The following SMARCA1 variants were observed in gnomAD, a reference collection of about 807,000 sequenced individuals.
SMARCA1 encodes the protein SNF2 related chromatin remodeling ATPase 1.
A neutral mutation model predicts 93.6 loss-of-function variants in SMARCA1; 17 were observed. That is an observed-to-expected ratio of 0.18 (90% CI 0.12 to 0.27). The LOEUF (loss-of-function observed/expected upper bound fraction) is 0.27. SMARCA1 is among the 10% of genes least tolerant of loss of function. The pLI is 1.00. For synonymous variants in SMARCA1, 271 were observed against 271.4 expected (o/e 1.00, Z 0.01); for missense variants, 630 against 819.0 (o/e 0.77, Z 2.82).
intron 23 of SMARCA1, among the ~76,000 whole-genome samples, chrX:129,459,916 G>A (rs757043868): frequency 1.8e-5 from 2 of 111,776 alleles, no homozygotes; most frequent in South Asian, 3.8e-4. Context: ...TTGGGAGGCC[G>A]AGGCAGGAGG....
At chrX:129,455,856 T>C (rs1393427661) in intron 23 of SMARCA1, among the ~76,000 whole-genome samples, 1 of 112,247 alleles carries the variant, frequency 8.9e-6, no homozygotes, top group East Asian at 2.8e-4. Flanking sequence ...AGAAAGATGC[T>C]GTTTCCATAA....
intron 1 of SMARCA1, among the ~76,000 whole-genome samples, chrX:129,522,882 C>G (rs1400602870): frequency 1.8e-5 from 2 of 111,294 alleles, no homozygotes; most frequent in East Asian, 5.8e-4. Context: ...CCCCGTTACC[C>G]GAGTTCCGGG....
At chrX:129,503,554 T>C (rs892147189) in intron 9 of SMARCA1, among the ~76,000 whole-genome samples, 4 of 111,076 alleles carry the variant, frequency 3.6e-5, no homozygotes, top group African/African-American at 1.3e-4. Context: ...AGCTGATAGA[T>C]GGGGAGAAAA....
In SMARCA1 at chrX:129,522,334, CTG is replaced by C. The variant is rs112634136; in HGVS notation, c.174+861_174+862del. ...ATTAAAGGAGAAAAAAAAAAAAAAC[CTG>C]TGTGTGTCCAGGAGCCAGCAGCGCC... is the stretch of plus-strand genomic sequence containing the variant. On this transcript the variant is annotated intron_variant, in intron 1 of 24. Transcript: ENST00000371121. Among the ~76,000 whole-genome samples the C allele has an allele frequency of 8.5e-3, 930 of 109,767 alleles. 6 individuals are homozygous for C. Among genetic ancestry groups the C allele is most frequent in the African/African-American group, 0.029 (883 of 30,205 alleles).
intron 19 of SMARCA1, among the ~76,000 whole-genome samples, chrX:129,473,286 A>G (rs770741855): frequency 7.3e-4 from 82 of 111,681 alleles, no homozygotes; most frequent in African/African-American, 2.6e-3. Flanking sequence ...TACTATCATA[A>G]TCTAGAAATG....
chrX:129,521,989 T>C (rs1368200718), intron 1 of SMARCA1, among the ~76,000 whole-genome samples: 1 of 112,153 alleles, frequency 8.9e-6, no homozygotes, highest in Non-Finnish European at 1.9e-5. Flanking sequence ...TATCATATAA[T>C]GATTCAGACA....
In SMARCA1 at chrX:129,512,002, G is replaced by A. The variant is rs1279295773; in HGVS notation, c.631-19C>T. ...CAAGGCCCTGCATTATCATCACAAG[G>A]AAAAAAATCCATGAACATTTTTTCT... On this transcript the variant is annotated intron_variant, in intron 5 of 24. Coordinates refer to ENST00000371121, the MANE Select transcript of SMARCA1 (RefSeq NM_001282874.2). 1 of 1,126,383 alleles carries A rather than the reference G, an allele frequency of 8.9e-7. No individual in the cohort carries two copies. Among genetic ancestry groups the A allele is most frequent in the Non-Finnish European group, 1.2e-6 (1 of 844,722 alleles). The allele number at this position is 1,126,383 out of a possible 1,213,427, so 92.8% of individuals were successfully genotyped here.
chrX:129,506,689 C>CA (rs1484081895), intron 7 of SMARCA1, among the ~76,000 whole-genome samples: 1,769 of 46,172 alleles, frequency 0.038, 68 homozygotes, highest in African/African-American at 0.044. Context: ...AACTCCGTCT[C>CA]AAAAAAAAAA....
intron 21 of SMARCA1, among the ~76,000 whole-genome samples, chrX:129,468,401 C>A (rs1251981447): frequency 4.5e-5 from 5 of 111,789 alleles, no homozygotes. Flanking sequence ...ACTTTAAGGA[C>A]GACCTAGAAA....
chrX:129,499,807 GT>G lies in SMARCA1; in HGVS notation c.1201del (p.Thr401LeufsTer3). ...AGGTGGCAGACTCTTCTCTACATCA[GT>G]TTTTATACGGCGTAACAAAAATGGT... ...LKPFLLRRIK[T>X]DVEKSLPPKK... On this transcript the variant is annotated frameshift_variant, in exon 10 of 25. Coordinates refer to ENST00000371121, the MANE Select transcript of SMARCA1 (RefSeq NM_001282874.2). LOFTEE classifies it high-confidence loss of function. 2 of 1,170,470 alleles carry G rather than the reference GT, an allele frequency of 1.7e-6. No homozygotes were observed. The highest frequency in any genetic ancestry group is 2.3e-6 in the Non-Finnish European group (2 of 862,601).
At chrX:129,496,682 T>C (rs1014217846) in intron 12 of SMARCA1, 68 bp downstream of exon 12, 1 of 1,026,905 alleles carries the variant, frequency 9.7e-7, no homozygotes, top group African/African-American at 1.9e-5. Context: ...CAAAACTACC[T>C]AATGTTGATA....
intron 5 of SMARCA1, among the ~76,000 whole-genome samples, chrX:129,514,049 C>T (rs1025385130): frequency 5.3e-5 from 6 of 112,905 alleles, no homozygotes; most frequent in African/African-American, 1.9e-4. Flanking sequence ...AATATGGGGC[C>T]AGGCACAGTG....
intron 9 of SMARCA1, 31 bp from the exon 10 acceptor site, chrX:129,499,872 T>C: frequency 2.8e-6 from 2 of 718,416 alleles, no homozygotes; most frequent in Non-Finnish European, 4.3e-6. Flanking sequence ...TAAAAGTTTA[T>C]GAAACATTTA....
chrX:129,477,735 A>G (rs888753620), intron 19 of SMARCA1, among the ~76,000 whole-genome samples: 3 of 111,586 alleles, frequency 2.7e-5, no homozygotes, highest in Non-Finnish European at 3.8e-5. Context: ...AACTTGAACA[A>G]TAAGTAACAC....
intron 19 of SMARCA1, among the ~76,000 whole-genome samples, chrX:129,480,041 G>A (rs913101386): frequency 2.7e-5 from 3 of 111,607 alleles, no homozygotes; most frequent in African/African-American, 9.8e-5. Flanking sequence ...TATACCTTTG[G>A]TCATCTCTCT....
intron 23 of SMARCA1, among the ~76,000 whole-genome samples, chrX:129,459,739 T>C (rs1003841595): frequency 1.8e-5 from 2 of 112,514 alleles, no homozygotes; most frequent in African/African-American, 6.5e-5. Flanking sequence ...CCAAATCTGG[T>C]CCAACTGTAG....
intron 1 of SMARCA1, among the ~76,000 whole-genome samples, chrX:129,522,551 G>A (rs1935437670): frequency 9.2e-6 from 1 of 108,976 alleles, no homozygotes; most frequent in South Asian, 4.1e-4. Flanking sequence ...ACGACGCAGA[G>A]AGCTCCTTTC....
chrX:129,503,318 G>A (rs1300614303), intron 9 of SMARCA1, among the ~76,000 whole-genome samples: 1 of 112,323 alleles, frequency 8.9e-6, no homozygotes, highest in Non-Finnish European at 1.9e-5. Flanking sequence ...CCAGTGTTGG[G>A]CTGCCCCAAT....
rs750255635 is a variant in SMARCA1 at position 129,523,184 on chromosome X, C to T, written c.174+13G>A. The T allele has an allele frequency of 5.8e-6, 7 of 1,210,175 alleles. No individual in the cohort carries two copies. Among genetic ancestry groups the T allele is most frequent in the Middle Eastern group, 2.3e-4 (1 of 4,349 alleles). ...GGATTTGTCCACCACACACACACCC[C>T]CTTCCTATTTACCTCCTTCTTCTTC... On this transcript the variant is annotated intron_variant, in intron 1 of 24. Coordinates refer to ENST00000371121, the MANE Select transcript of SMARCA1 (RefSeq NM_001282874.2).
Sources: allele counts gnomAD v4.1 joint callset (sites outside exome capture counted in the v4.1 genomes callset), GRCh38; gene constraint gnomAD v4.1.1; transcripts MANE v1.5; gene names NCBI Gene and HGNC (gene_info 2026-07-23, HGNC 2026-07-21).